Variants in DYNC1I1 observed in about 807,000 individuals in gnomAD.
DYNC1I1 encodes dynein cytoplasmic 1 intermediate chain 1, also known as cytoplasmic dynein 1 intermediate chain 1.
In DYNC1I1, 43 loss-of-function variants were observed where a neutral mutation model predicts 86.6. That is an observed-to-expected ratio of 0.50 (90% confidence interval 0.39 to 0.64). The LOEUF is 0.64. Among genes scored for constraint, DYNC1I1 ranks in the 30% least tolerant of loss-of-function variants. DYNC1I1 has a pLI of 0.00. For synonymous variants in DYNC1I1, 262 were observed against 283.7 expected (o/e 0.92, Z 0.77); for missense variants, 604 against 788.8 (o/e 0.77, Z 2.81).
At chr7:96,094,277 G>A (rs536821600) in intron 16 of DYNC1I1, among the ~76,000 whole-genome samples, 15 of 152,252 alleles carry the variant, frequency 9.9e-5, no homozygotes, top group African/African-American at 3.4e-4. Context: ...TGCAAGGTAG[G>A]ACATGAGAGC....
intron 6 of DYNC1I1, among the ~76,000 whole-genome samples, chr7:95,943,234 C>A (rs543310276): frequency 6.6e-6 from 1 of 151,896 alleles, no homozygotes; most frequent in Non-Finnish European, 1.5e-5. Flanking sequence ...CAATAACAGA[C>A]AAACAGAGAG....
intron 6 of DYNC1I1, among the ~76,000 whole-genome samples, chr7:95,939,687 G>T (rs1340883134): frequency 1.3e-5 from 2 of 151,498 alleles, no homozygotes; most frequent in African/African-American, 4.9e-5. Context: ...GAGCCTATGT[G>T]TGTCTCTGCA....
At chr7:95,876,271 A>G (rs1790306884) in intron 6 of DYNC1I1, among the ~76,000 whole-genome samples, 1 of 152,176 alleles carries the variant, frequency 6.6e-6, no homozygotes, top group Non-Finnish European at 1.5e-5. Context: ...TCTGGAAATA[A>G]ATTCCCCTGT....
At chr7:95,909,488 C>T (rs1791271988) in intron 6 of DYNC1I1, among the ~76,000 whole-genome samples, 1 of 152,002 alleles carries the variant, frequency 6.6e-6, no homozygotes, top group African/African-American at 2.4e-5. Flanking sequence ...ATGGCTTGGG[C>T]ATGCTCACAC....
In DYNC1I1 at chr7:95,876,981, C is replaced by T. The variant is rs571461322; in HGVS notation, c.490+6983C>T. On this transcript the variant is annotated intron_variant, in intron 6 of 16. Transcript: ENST00000447467. ...AAAGAAAAACATTTATCTAATAAAA[C>T]TAATCACAACTTGGTAAAAACAGGA... is the stretch of plus-strand genomic sequence containing the variant. 4.6e-5 allele frequency among the ~76,000 whole-genome samples: 7 copies of T among 152,240 alleles called. No individual in the cohort carries two copies. In the East Asian group the frequency reaches 1.4e-3, roughly 29 times the overall value.
intron 10 of DYNC1I1, among the ~76,000 whole-genome samples, chr7:95,996,385 A>G (rs1793868602): frequency 6.6e-6 from 1 of 152,198 alleles, no homozygotes. Context: ...CTTAAAAGCA[A>G]CATATGCTTG....
At chr7:95,917,886 C>T (rs1791509789) in intron 6 of DYNC1I1, among the ~76,000 whole-genome samples, 1 of 152,130 alleles carries the variant, frequency 6.6e-6, no homozygotes, top group African/African-American at 2.4e-5. Context: ...CTGTGTTCTC[C>T]GTGAAACATT....
intron 9 of DYNC1I1, among the ~76,000 whole-genome samples, chr7:95,990,170 G>A (rs559060261): frequency 1.1e-4 from 17 of 152,240 alleles, no homozygotes; most frequent in Admixed American, 3.9e-4. Context: ...AAGAAATCTG[G>A]GAAGCTGGAG....
At chr7:96,067,824 C>T (rs915826206) in intron 14 of DYNC1I1, among the ~76,000 whole-genome samples, 7 of 152,062 alleles carry the variant, frequency 4.6e-5, no homozygotes, top group African/African-American at 1.2e-4. Flanking sequence ...ATATATTAAA[C>T]GAGTTGCCTT....
At chr7:95,970,589 T>A (rs528755335) in intron 6 of DYNC1I1, among the ~76,000 whole-genome samples, 1 of 148,814 alleles carries the variant, frequency 6.7e-6, no homozygotes, top group African/African-American at 2.6e-5. Flanking sequence ...ATGTGATTAA[T>A]ATTTATTTAA....
chr7:95,790,387 T>TTGTCCATG (rs1417850651), intron 1 of DYNC1I1, among the ~76,000 whole-genome samples: 1 of 152,202 alleles, frequency 6.6e-6, no homozygotes, highest in East Asian at 1.9e-4. Context: ...TGGTCATTCT[T>TTGTCCATG]CTTACCTCCC....
intron 6 of DYNC1I1, among the ~76,000 whole-genome samples, chr7:95,881,476 C>T (rs1456928433): frequency 6.6e-6 from 1 of 152,184 alleles, no homozygotes; most frequent in Admixed American, 6.6e-5. Flanking sequence ...GATAACACTT[C>T]AGATGATTTT....
intron 10 of DYNC1I1, among the ~76,000 whole-genome samples, chr7:95,997,583 TTG>T (rs34117329): frequency 0.16 from 22,602 of 142,488 alleles, 1,900 homozygotes; most frequent in East Asian, 0.24. Flanking sequence ...AAGGGCATTC[TTG>T]TGTGTGTGTG....
At chr7:95,920,048 G>A (rs1248747399) in intron 6 of DYNC1I1, among the ~76,000 whole-genome samples, 1 of 152,200 alleles carries the variant, frequency 6.6e-6, no homozygotes, top group Non-Finnish European at 1.5e-5. Context: ...CACCTGAAGT[G>A]TGGGGTTGTG....
At chr7:95,922,822 C>T (rs371293820) in intron 6 of DYNC1I1, among the ~76,000 whole-genome samples, 16 of 151,962 alleles carry the variant, frequency 1.1e-4, no homozygotes, top group East Asian at 5.8e-4. Flanking sequence ...ATTTCAAAGC[C>T]TTCCAGTCCT....
At chr7:95,779,932 T>C (rs1422709740) in intron 1 of DYNC1I1, among the ~76,000 whole-genome samples, 1 of 152,110 alleles carries the variant, frequency 6.6e-6, no homozygotes, top group Non-Finnish European at 1.5e-5. Flanking sequence ...GCATTTCTGC[T>C]GGGGGAAGGG....
At position 95,995,054 on chromosome 7, in the gene DYNC1I1, T is replaced by C. The variant is rs535055499; in HGVS notation, c.844-894T>C. ...CGAGGTCAGGAGATCGAGACCATCC[T>C]GGCTAACACGGTGAAACCCCGTCTC... On this transcript the variant is annotated intron_variant, in intron 9 of 16. Transcript: ENST00000447467. Among the ~76,000 whole-genome samples, 694 of 152,116 alleles carry C rather than the reference T, an allele frequency of 4.6e-3. 5 individuals are homozygous for C. Among genetic ancestry groups the C allele is most frequent in the African/African-American group, 0.016 (653 of 41,492 alleles).
intron 6 of DYNC1I1, among the ~76,000 whole-genome samples, chr7:95,872,130 G>A (rs1030604664): frequency 9.9e-5 from 15 of 152,212 alleles, no homozygotes; most frequent in African/African-American, 3.6e-4. Flanking sequence ...GGAGAGCTGC[G>A]TGGAGCAGTG....
chr7:96,063,535 C>T (rs1383338679), intron 14 of DYNC1I1, among the ~76,000 whole-genome samples: 1 of 152,152 alleles, frequency 6.6e-6, no homozygotes, highest in Non-Finnish European at 1.5e-5. Context: ...TGAAGCCTCT[C>T]GCTTTGACTT....
Sources: allele counts gnomAD v4.1 joint callset (sites outside exome capture counted in the v4.1 genomes callset), GRCh38; gene constraint gnomAD v4.1.1; transcripts MANE v1.5; gene names NCBI Gene and HGNC (gene_info 2026-07-23, HGNC 2026-07-21).